CHD7: variants seen among roughly 807,000 people sequenced by gnomAD.
CHD7 encodes the protein ATP-dependent chromatin remodeler CHD7.
A neutral mutation model predicts 307.3 loss-of-function variants in CHD7; 24 were observed. The ratio of observed to expected loss-of-function variants is 0.08; its 90% confidence interval spans 0.06 to 0.11. The LOEUF is 0.11. CHD7 is among the 10% of genes least tolerant of loss of function. The probability of loss-of-function intolerance (pLI) is 1.00; values close to 1 mark genes in which losing one functional copy is unlikely to be tolerated. For missense variants in CHD7, 3,106 were observed against 3,727.1 expected, an observed-to-expected ratio of 0.83 and a Z score of 4.34; for synonymous variants, 1,363 against 1,349.9, an observed-to-expected ratio of 1.01 and a Z score of -0.21.
intron 3 of CHD7, among the ~76,000 whole-genome samples, chr8:60,790,149 T>C (rs759045729): frequency 5.3e-5 from 8 of 152,224 alleles, no homozygotes; most frequent in Non-Finnish European, 1.0e-4. Flanking sequence ...CAAGGGCTTG[T>C]CTAAAATGAG....
At chr8:60,811,220 G>A (rs1199378879) in intron 7 of CHD7, among the ~76,000 whole-genome samples, 2 of 152,032 alleles carry the variant, frequency 1.3e-5, no homozygotes, top group Non-Finnish European at 2.9e-5. Flanking sequence ...TTTAGCCCCC[G>A]CTTGTTGATT....
chr8:60,695,641 A>C (rs1264194599), intron 1 of CHD7, among the ~76,000 whole-genome samples: 2 of 152,258 alleles, frequency 1.3e-5, no homozygotes, highest in Non-Finnish European at 2.9e-5. Flanking sequence ...CTGTGAGAGA[A>C]TACAACAGAG....
In CHD7 at chr8:60,678,840, G is replaced by C. The variant is rs1285392929; in HGVS notation, c.-417G>C. On this transcript the variant is annotated 5_prime_UTR_variant, in exon 1 of 38. Coordinates refer to ENST00000423902, the MANE Select transcript of CHD7 (RefSeq NM_017780.4). ...GGGGTTGAGTCGTGGTGGTGCGGACGCGCTCGTGCTCGGGAACTATCGGAT... is the reference window on the plus strand; with the variant it reads ...GGGGTTGAGTCGTGGTGGTGCGGACCCGCTCGTGCTCGGGAACTATCGGAT... 6.7e-6 allele frequency: 1 copy of C among 149,196 alleles called. No individual in the cohort carries two copies. The highest frequency in any genetic ancestry group is 2.0e-4 in the East Asian group (1 of 5,002). 9.2% of individuals were successfully genotyped at this position (149,196 alleles called of 1,614,324 possible). A position where few individuals can be genotyped will look rare whatever the true frequency, so the allele number is the denominator to read the frequency against.
chr8:60,854,531 G>GTT lies in CHD7; in HGVS notation c.6936+8_6936+9insTT. The GTT allele has an allele frequency of 6.3e-7, 1 of 1,578,710 alleles. No individual in the cohort carries two copies. Among genetic ancestry groups the GTT allele is most frequent in the South Asian group, 1.2e-5 (1 of 86,950 alleles). ...TTCTCGTTTTGGCCTAAGGTTGGCA[G>GTT]GTTTTTGTTGCTGTTGTTTTGCTGA... On this transcript the variant is annotated intron_variant, in intron 32 of 37. Transcript: ENST00000423902.
chr8:60,772,686 A>G (rs761758513), intron 2 of CHD7, among the ~76,000 whole-genome samples: 1 of 152,198 alleles, frequency 6.6e-6, no homozygotes, highest in Non-Finnish European at 1.5e-5. Flanking sequence ...TCATTCCTGT[A>G]TAGTTACTAA....
At position 60,866,166 on chromosome 8, in the gene CHD7, A is replaced by C. The variant is rs1806236303; in HGVS notation, c.*233A>C. On this transcript the variant is annotated 3_prime_UTR_variant, in exon 38 of 38. Transcript: ENST00000423902. ...GAGAGATGAAATTTGAGAGGTGATC[A>C]TGTCTTTTTAAGGAAACTTACATAA... The C allele has an allele frequency of 5.2e-6, 2 of 385,700 alleles. No homozygotes were observed. The highest frequency in any genetic ancestry group is 9.3e-6 in the Non-Finnish European group (2 of 216,068). The allele number at this position is 385,700 out of a possible 1,614,324, so 23.9% of individuals were successfully genotyped here.
intron 25 of CHD7, among the ~76,000 whole-genome samples, chr8:60,849,399 A>G (rs535174013): frequency 3.3e-4 from 51 of 152,336 alleles, no homozygotes; most frequent in Middle Eastern, 3.4e-3. Flanking sequence ...AACCCAAACC[A>G]TATTTGTTTT....
chr8:60,778,939 T>C (rs1811076122), intron 2 of CHD7, among the ~76,000 whole-genome samples: 1 of 152,216 alleles, frequency 6.6e-6, no homozygotes, highest in Admixed American at 6.5e-5. Flanking sequence ...AGGGTAACTT[T>C]GGCAGTGTTT....
chr8:60,820,127 C>T (rs755812953), intron 9 of CHD7, 37 bp downstream of exon 9: 1 of 1,360,116 alleles, frequency 7.4e-7, no homozygotes, highest in South Asian at 1.2e-5. Flanking sequence ...AGTGGTGATT[C>T]AGGCAACCCA....
intron 1 of CHD7, among the ~76,000 whole-genome samples, chr8:60,710,659 C>T (rs1807243987): frequency 6.6e-6 from 1 of 152,118 alleles, no homozygotes; most frequent in South Asian, 2.1e-4. Flanking sequence ...TAGCCTGAAA[C>T]CTGTTGGATT....
chr8:60,851,434 T>C (rs575367967), intron 28 of CHD7, 115 bp downstream of exon 28: 2 of 721,104 alleles, frequency 2.8e-6, no homozygotes, highest in East Asian at 2.7e-5. Context: ...TTATTTCTTC[T>C]ACACTGACCT....
At chr8:60,707,409 G>T (rs1316581343) in intron 1 of CHD7, among the ~76,000 whole-genome samples, 1 of 152,200 alleles carries the variant, frequency 6.6e-6, no homozygotes, top group Non-Finnish European at 1.5e-5. Context: ...TTTGGAGATT[G>T]TCATTTACTG....
chr8:60,773,160 A>G (rs1287368601), intron 2 of CHD7, among the ~76,000 whole-genome samples: 2 of 152,288 alleles, frequency 1.3e-5, no homozygotes, highest in East Asian at 3.9e-4. Context: ...TCAGGGGGGT[A>G]CCCCTCTGCT....
At chr8:60,803,653 G>A (rs561707488) in intron 6 of CHD7, among the ~76,000 whole-genome samples, 1 of 152,292 alleles carries the variant, frequency 6.6e-6, no homozygotes, top group African/African-American at 2.4e-5. Context: ...GGAGCTCATG[G>A]AATTGCTTGT....
Position 60,743,029 on chromosome 8 carries a change from C to A in CHD7, c.1597C>A (p.His533Asn). ...CCACCAGTCTTCACCTCCACACCCT[C>A]ATCACCAGCCTTGGGCACAGCTCCA... The part of the protein sequence containing the change: ...LHHQSSPPHP[H>N]HQPWAQLHPS... Residue 533 changes from histidine (H) to asparagine (N), a missense_variant, in exon 2 of 38, where the codon CAT (histidine) becomes AAT (asparagine). Physicochemically the swap from His to Asn is moderately conservative, Grantham distance 68 (BLOSUM62 1). Transcript: ENST00000423902. 1 of 1,613,996 alleles carries A rather than the reference C, an allele frequency of 6.2e-7. No individual in the cohort carries two copies. The highest frequency in any genetic ancestry group is 8.5e-7 in the Non-Finnish European group (1 of 1,179,882).
At chr8:60,711,290 C>A (rs1007431334) in intron 1 of CHD7, among the ~76,000 whole-genome samples, 8 of 152,196 alleles carry the variant, frequency 5.3e-5, no homozygotes, top group Non-Finnish European at 2.9e-5. Flanking sequence ...GGGAAAGCAT[C>A]TCTATGGCCT....
intron 1 of CHD7, among the ~76,000 whole-genome samples, chr8:60,700,823 G>GACAC (rs1201912070): frequency 6.6e-6 from 1 of 152,178 alleles, no homozygotes; most frequent in Non-Finnish European, 1.5e-5. Flanking sequence ...CCCAGTGCCG[G>GACAC]ACACACACAC....
At chr8:60,763,500 C>A (rs1810322365) in intron 2 of CHD7, among the ~76,000 whole-genome samples, 1 of 151,916 alleles carries the variant, frequency 6.6e-6, no homozygotes, top group South Asian at 2.1e-4. Flanking sequence ...AGGATGACTG[C>A]CATGTCTCTT....
chr8:60,787,195 A>G (rs1287932654), intron 3 of CHD7, among the ~76,000 whole-genome samples: 2 of 151,946 alleles, frequency 1.3e-5, no homozygotes, highest in African/African-American at 2.4e-5. Flanking sequence ...TGTTTTTACC[A>G]TTTATTTAAT....
Sources: gnomAD v4.1 joint callset for allele counts (sites outside exome capture counted in the v4.1 genomes callset) on GRCh38, gnomAD v4.1.1 for gene constraint, MANE v1.5 for transcripts, NCBI Gene and HGNC (gene_info 2026-07-23, HGNC 2026-07-21) for gene names.